PTGER4: variants seen among roughly 807,000 people sequenced by gnomAD.
PTGER4 encodes the protein prostaglandin E2 receptor EP4 subtype.
Under a neutral mutation model 33.2 loss-of-function variants are expected in PTGER4, and 11 were observed. The ratio of observed to expected loss-of-function variants is 0.33; its 90% CI spans 0.21 to 0.55. The LOEUF is 0.55. Among genes scored for constraint, PTGER4 ranks in the 20% least tolerant of loss-of-function variants. The pLI is 0.92. For missense variants in PTGER4, 481 were observed against 650.2 expected, an observed-to-expected ratio of 0.74 and a Z score of 2.83; for synonymous variants, 275 against 281.5, an observed-to-expected ratio of 0.98 and a Z score of 0.23.
the PTGER4 span, among the ~76,000 whole-genome samples, chr5:40,740,609 C>T: frequency 7.2e-5 from 11 of 152,114 alleles, no homozygotes; most frequent in African/African-American, 2.4e-4. Flanking sequence ...AGCTCATTCC[C>T]GAGGGGCATG....
At chr5:40,723,196 G>A in the PTGER4 span, among the ~76,000 whole-genome samples, 11 of 152,102 alleles carry the variant, frequency 7.2e-5, no homozygotes, top group South Asian at 2.1e-4. Flanking sequence ...GATTAAGGGC[G>A]GTGCAAGATG....
chr5:40,696,034 C>T (rs972271372), downstream of PTGER4, among the ~76,000 whole-genome samples: 2 of 152,032 alleles, frequency 1.3e-5, no homozygotes, highest in Non-Finnish European at 2.9e-5. Context: ...ATGCAATATA[C>T]CCATGTAACA....
chr5:40,693,281 TAATA>T lies in PTGER4; in HGVS notation c.*909_*912del, dbSNP rs936461394. 5 of 974,816 alleles carry T rather than the reference TAATA, an allele frequency of 5.1e-6. No individual in the cohort carries two copies. The highest frequency in any genetic ancestry group is 4.7e-5 in the South Asian group (1 of 21,060). 60.4% of individuals were successfully genotyped at this position (974,816 alleles called of 1,614,324 possible). On this transcript the variant is annotated 3_prime_UTR_variant, in exon 3 of 3. Coordinates refer to ENST00000302472, the MANE Select transcript of PTGER4 (RefSeq NM_000958.3). ...CATAACATAAATTTTTTGAAGTCTT[TAATA>T]AATAACCCATAATTGAAGTGTATAA...
the PTGER4 span, among the ~76,000 whole-genome samples, chr5:40,711,296 CATT>C: frequency 2.0e-5 from 3 of 152,056 alleles, no homozygotes; most frequent in African/African-American, 4.8e-5. Context: ...AGATGCTCAA[CATT>C]ATTAGGGAAA....
the PTGER4 span, among the ~76,000 whole-genome samples, chr5:40,738,552 T>TAA: frequency 3.0e-3 from 335 of 112,342 alleles, 2 homozygotes; most frequent in African/African-American, 9.5e-3. Context: ...TAAAATAAAA[T>TAA]AAAATAAAAT....
chr5:40,700,406 C>T, the PTGER4 span, among the ~76,000 whole-genome samples: 2 of 152,256 alleles, frequency 1.3e-5, no homozygotes, highest in Non-Finnish European at 1.5e-5. Flanking sequence ...CTGCCCTTGC[C>T]ACCCTTGGAC....
Position 40,691,470 on chromosome 5 carries a change from G to A in PTGER4, c.868-309G>A, listed in dbSNP as rs557149128. Among the ~76,000 whole-genome samples, 292 of 152,170 alleles carry A rather than the reference G, an allele frequency of 1.9e-3. 3 individuals carry two copies. The highest frequency in any genetic ancestry group is 6.6e-3 in the African/African-American group (274 of 41,538). ...GCTGGGATTACAGGCGTGAGCCACC[G>A]CACCCAGCCTAATGTTTGTATTTTT... On this transcript the variant is annotated intron_variant, in intron 2 of 2. Coordinates refer to ENST00000302472, the MANE Select transcript of PTGER4 (RefSeq NM_000958.3). This position sits in a 1 kb window ranked among gnomAD's most constrained non-coding sequence, Gnocchi z 4.2.
chr5:40,702,563 TGA>T, the PTGER4 span, among the ~76,000 whole-genome samples: 8 of 152,156 alleles, frequency 5.3e-5, no homozygotes, highest in African/African-American at 1.9e-4. Flanking sequence ...ACAATAATAG[TGA>T]GAGACTTCAA....
chr5:40,714,362 A>T, the PTGER4 span: 20 of 152,232 alleles, frequency 1.3e-4, no homozygotes, highest in African/African-American at 4.8e-4. Flanking sequence ...TTCATGTGTG[A>T]GGCACCATGC....
At chr5:40,738,471 A>C in the PTGER4 span, among the ~76,000 whole-genome samples, 1 of 136,598 alleles carries the variant, frequency 7.3e-6, no homozygotes, top group African/African-American at 2.8e-5. Context: ...ATACAATACA[A>C]TACAATACAA....
the PTGER4 span, among the ~76,000 whole-genome samples, chr5:40,717,416 T>C: frequency 6.6e-6 from 1 of 151,920 alleles, no homozygotes; most frequent in African/African-American, 2.4e-5. Flanking sequence ...TCAGAGTCCA[T>C]TCTCTTATTC....
In PTGER4 at chr5:40,680,886, G is replaced by T. The variant is rs865987519; in HGVS notation, c.-43-65G>T. On this transcript the variant is annotated intron_variant, in intron 1 of 2. Transcript: ENST00000302472. The surrounding 1 kb of genome is among the most constrained non-coding windows in gnomAD (Gnocchi z 5.5). ...TCAGTGTATCGTTTCTCGGGCGCGG[G>T]TCTAACACCTTACAAGTGGTAATTT... 1.4e-6 allele frequency: 2 copies of T among 1,391,250 alleles called. No homozygotes were observed. Among genetic ancestry groups the T allele is most frequent in the African/African-American group, 1.4e-5 (1 of 69,344 alleles). 86.2% of individuals were successfully genotyped at this position (1,391,250 alleles called of 1,614,324 possible).
rs1741514742 is a variant in PTGER4, at chr5:40,693,159, T to C, written c.*781T>C. On this transcript the variant is annotated 3_prime_UTR_variant, in exon 3 of 3. Coordinates refer to ENST00000302472, the MANE Select transcript of PTGER4 (RefSeq NM_000958.3). ...ACATAGTGAAAATTGTTTAGTGATA[T>C]TACATTTATTTATCCAGAAAACTGT... The C allele has an allele frequency of 2.1e-6, 2 of 966,288 alleles. No homozygotes were observed. The highest frequency in any genetic ancestry group is 6.2e-5 in the Admixed American group (1 of 16,226). The allele number at this position is 966,288 out of a possible 1,614,324, so 59.9% of individuals were successfully genotyped here. A position where few individuals can be genotyped will look rare whatever the true frequency, so the allele number is the denominator to read the frequency against.
chr5:40,712,999 T>A, the PTGER4 span, among the ~76,000 whole-genome samples: 1 of 152,148 alleles, frequency 6.6e-6, no homozygotes, highest in South Asian at 2.1e-4. Flanking sequence ...GTTTTATAAT[T>A]TATATATTTC....
At chr5:40,716,108 C>T in the PTGER4 span, 1 of 1,505,296 alleles carries the variant, frequency 6.6e-7, no homozygotes, top group Non-Finnish European at 8.9e-7. Flanking sequence ...AAGAGGCAAT[C>T]AAAAAGACAG....
chr5:40,707,598 CA>C, the PTGER4 span, among the ~76,000 whole-genome samples: 1 of 152,152 alleles, frequency 6.6e-6, no homozygotes, highest in East Asian at 1.9e-4. Context: ...TTTAACACCC[CA>C]CTGTCAACAT....
Position 40,683,141 on chromosome 5 carries a change from T to C in PTGER4, c.867+1281T>C, listed in dbSNP as rs1215284871. On this transcript the variant is annotated intron_variant, in intron 2 of 2. Coordinates refer to ENST00000302472, the MANE Select transcript of PTGER4 (RefSeq NM_000958.3). The surrounding 1 kb of genome is among the most constrained non-coding windows in gnomAD (Gnocchi z 4.2). Reference sequence around the variant, plus strand: ...TCAAAAAGAGATAACTGCTTTTTCTTATGCTTGTTGGGAACAAGAGAATAT... The same window carrying C: ...TCAAAAAGAGATAACTGCTTTTTCTCATGCTTGTTGGGAACAAGAGAATAT... Among the ~76,000 whole-genome samples, 6 of 152,222 alleles carry C rather than the reference T, an allele frequency of 3.9e-5. No individual in the cohort carries two copies. Among genetic ancestry groups the C allele is most frequent in the African/African-American group, 1.4e-4 (6 of 41,454 alleles).
the PTGER4 span, among the ~76,000 whole-genome samples, chr5:40,741,998 G>GA: frequency 6.6e-6 from 1 of 151,340 alleles, no homozygotes; most frequent in Admixed American, 6.6e-5. Flanking sequence ...TCAAAAAAAA[G>GA]AAAAAAAAGA....
At chr5:40,713,099 G>A in the PTGER4 span, among the ~76,000 whole-genome samples, 3 of 151,322 alleles carry the variant, frequency 2.0e-5, no homozygotes, top group African/African-American at 7.3e-5. Flanking sequence ...AATCTCTAAG[G>A]AAGAAAAAAA....
Sources: gnomAD v4.1 joint callset for allele counts (sites outside exome capture counted in the v4.1 genomes callset) on GRCh38, gnomAD v4.1.1 for gene constraint, Gnocchi (gnomAD v3.1) non-coding constraint, MANE v1.5 for transcripts, NCBI Gene and HGNC (gene_info 2026-07-23, HGNC 2026-07-21) for gene names.